Variants in MAPK4 observed in about 807,000 individuals in gnomAD.
MAPK4 encodes the protein Erk3-related.
In MAPK4, 22 loss-of-function variants were observed where a neutral mutation model predicts 47.7. That is an observed-to-expected ratio of 0.46 (90% confidence interval 0.33 to 0.66). The LOEUF (loss-of-function observed/expected upper bound fraction) is 0.66. Among genes scored for constraint, MAPK4 ranks in the 30% least tolerant of loss-of-function variants. The probability of loss-of-function intolerance (pLI) is 0.02; values close to 1 mark genes in which losing one functional copy is unlikely to be tolerated. For synonymous variants in MAPK4, 390 were observed against 365.7 expected, an observed-to-expected ratio of 1.07 and a Z score of -0.76; for missense variants, 736 against 831.7, an observed-to-expected ratio of 0.88 and a Z score of 1.42.
rs535640278 is a variant in MAPK4, at chr18:50,659,811, C to T, written c.-870-3278C>T. Among the ~76,000 whole-genome samples the T allele has an allele frequency of 2.0e-5, 3 of 152,306 alleles. No individual in the cohort carries two copies. In the East Asian group the frequency reaches 5.8e-4, roughly 29 times the overall value. On this transcript the variant is annotated intron_variant, in intron 1 of 5. Coordinates refer to ENST00000400384, the MANE Select transcript of MAPK4 (RefSeq NM_002747.4). ...ATTCAAGCACGATTGAACGAGTGAC[C>T]TTTCCATCTCAGACAGTGAATGCCA... is the stretch of plus-strand genomic sequence containing the variant.
chr18:50,694,416 G>A (rs1218591792), intron 2 of MAPK4, among the ~76,000 whole-genome samples: 1 of 152,156 alleles, frequency 6.6e-6, no homozygotes, highest in Non-Finnish European at 1.5e-5. Context: ...GTCCTGCTGA[G>A]AGACAAATGG....
intron 3 of MAPK4, among the ~76,000 whole-genome samples, chr18:50,716,486 C>T (rs1314206229): frequency 1.3e-5 from 2 of 152,212 alleles, no homozygotes; most frequent in African/African-American, 4.8e-5. Context: ...GAATTTTCAT[C>T]CATCCCCTCC....
intron 2 of MAPK4, among the ~76,000 whole-genome samples, chr18:50,674,307 C>T (rs77211851): frequency 2.0e-5 from 3 of 152,204 alleles, no homozygotes; most frequent in Non-Finnish European, 2.9e-5. Flanking sequence ...AATCCTTTTC[C>T]GTTTTCTCCT....
chr18:50,703,460 G>T (rs367733539), intron 2 of MAPK4, among the ~76,000 whole-genome samples: 4 of 152,312 alleles, frequency 2.6e-5, no homozygotes, highest in African/African-American at 9.6e-5. Flanking sequence ...ACACCAAGAG[G>T]TCCCAGCACT....
intron 2 of MAPK4, among the ~76,000 whole-genome samples, chr18:50,671,046 A>C (rs1218846956): frequency 6.6e-6 from 1 of 152,248 alleles, no homozygotes; most frequent in Non-Finnish European, 1.5e-5. Context: ...TGTGGCTCTC[A>C]AACTTCAGCA....
intron 1 of MAPK4, among the ~76,000 whole-genome samples, chr18:50,584,216 G>A (rs1239868324): frequency 1.3e-5 from 2 of 152,176 alleles, no homozygotes; most frequent in Non-Finnish European, 1.5e-5. Context: ...GCTTGCTACA[G>A]CCAGGGAGTC....
At chr18:50,683,246 A>G (rs1013036299) in intron 2 of MAPK4, among the ~76,000 whole-genome samples, 2 of 152,056 alleles carry the variant, frequency 1.3e-5, no homozygotes, top group African/African-American at 4.8e-5. Flanking sequence ...CAGCCTCCCA[A>G]GTAGCTGAGA....
At chr18:50,716,914 CCTG>C (rs1435278515) in intron 3 of MAPK4, among the ~76,000 whole-genome samples, 1 of 152,170 alleles carries the variant, frequency 6.6e-6, no homozygotes, top group African/African-American at 2.4e-5. Context: ...CCATTGCTTG[CCTG>C]CTATTAACAA....
At chr18:50,600,524 C>G (rs1188983634) in intron 1 of MAPK4, among the ~76,000 whole-genome samples, 1 of 152,082 alleles carries the variant, frequency 6.6e-6, no homozygotes, top group African/African-American at 2.4e-5. Context: ...GCTTCTCTAC[C>G]TATAGACACT....
At chr18:50,576,662 A>T (rs1332478799) in intron 1 of MAPK4, among the ~76,000 whole-genome samples, 2 of 152,238 alleles carry the variant, frequency 1.3e-5, no homozygotes, top group Non-Finnish European at 2.9e-5. Context: ...AAAAATTTCT[A>T]CCAACATCTA....
At chr18:50,722,125 A>G (rs761874913) in intron 4 of MAPK4, 26 bp downstream of exon 4, 1 of 1,605,738 alleles carries the variant, frequency 6.2e-7, no homozygotes, top group South Asian at 1.1e-5. Context: ...AGCCAGGCCA[A>G]GTGTCCTGGG....
At position 50,627,779 on chromosome 18, in the gene MAPK4, G is replaced by A. The variant is rs1278084439; in HGVS notation, c.-870-35310G>A. The stretch of plus-strand genomic sequence containing the variant: ...AATGCAGGGTCTCCCATGCCTGTGA[G>A]TTTGGATGGTGTTGATTAGGCCACA... On this transcript the variant is annotated intron_variant, in intron 1 of 5. Transcript: ENST00000400384. Among the ~76,000 whole-genome samples, 9 of 152,276 alleles carry A rather than the reference G, an allele frequency of 5.9e-5. No homozygotes were observed. The East Asian group carries it at 1.7e-3, about 29-fold the overall frequency.
intron 2 of MAPK4, among the ~76,000 whole-genome samples, chr18:50,684,702 G>C (rs1169171090): frequency 6.6e-6 from 1 of 152,178 alleles, no homozygotes; most frequent in East Asian, 1.9e-4. Context: ...AGAGCAGGCT[G>C]TGTGGGAAGG....
At chr18:50,675,114 A>G (rs1180283648) in intron 2 of MAPK4, among the ~76,000 whole-genome samples, 1 of 152,182 alleles carries the variant, frequency 6.6e-6, no homozygotes, top group Non-Finnish European at 1.5e-5. Context: ...TGTCTAGATG[A>G]AGACACTAAG....
At chr18:50,682,655 C>T (rs543091370) in intron 2 of MAPK4, among the ~76,000 whole-genome samples, 29 of 152,280 alleles carry the variant, frequency 1.9e-4, no homozygotes, top group African/African-American at 7.0e-4. Context: ...AATGTTATAA[C>T]CATTTTGGAA....
intron 1 of MAPK4, among the ~76,000 whole-genome samples, chr18:50,659,785 CAT>C: frequency 6.6e-6 from 1 of 152,326 alleles, no homozygotes; most frequent in Middle Eastern, 3.4e-3. Context: ...TGCTGGGTGT[CAT>C]TCAAGCACGA....
Position 50,664,069 on chromosome 18 carries a change from C to T in MAPK4, c.111C>T (p.Ala37=), listed in dbSNP as rs867229676. The change falls in exon 2 of 6, where the codon GCC becomes GCT. Residue 37 remains alanine (A), a synonymous_variant. Coordinates refer to ENST00000400384, the MANE Select transcript of MAPK4 (RefSeq NM_002747.4). The surrounding 1 kb of genome is among the most constrained non-coding windows in gnomAD (Gnocchi z 6.0). ...GFGVNGLVLS[A]VDSRACRKVA... ...GTGTCAATGGTTTGGTGCTGTCGGC[C>T]GTGGACAGCCGGGCCTGCCGGAAGG... 1.2e-5 allele frequency: 20 copies of T among 1,613,764 alleles called. No homozygotes were observed. Among genetic ancestry groups the T allele is most frequent in the South Asian group, 9.9e-5 (9 of 91,066 alleles).
chr18:50,621,406 G>A (rs1248697090), intron 1 of MAPK4, among the ~76,000 whole-genome samples: 1 of 152,178 alleles, frequency 6.6e-6, no homozygotes, highest in Admixed American at 6.5e-5. Flanking sequence ...ATATCTATGT[G>A]AGCAGGAAAC....
intron 1 of MAPK4, among the ~76,000 whole-genome samples, chr18:50,576,304 GC>G (rs1257656089): frequency 1.3e-5 from 2 of 152,214 alleles, no homozygotes; most frequent in Non-Finnish European, 2.9e-5. Context: ...ACACTATGCA[GC>G]CATAAGAAGA....
Sources: allele counts gnomAD v4.1 joint callset (sites outside exome capture counted in the v4.1 genomes callset), GRCh38; gene constraint gnomAD v4.1.1; non-coding constraint Gnocchi (gnomAD v3.1); transcripts MANE v1.5; gene names NCBI Gene and HGNC (gene_info 2026-07-23, HGNC 2026-07-21).